The following TRAPPC12 variants were observed in gnomAD, a reference collection of about 807,000 sequenced individuals.
The protein encoded by TRAPPC12 is trafficking protein particle complex subunit 12.
Under a neutral mutation model 69.2 loss-of-function variants are expected in TRAPPC12, and 61 were observed. The observed-to-expected ratio is 0.88, with a 90% CI of 0.72 to 1.09. TRAPPC12 has a LOEUF of 1.09. Among genes scored for constraint, TRAPPC12 ranks in the 50% least tolerant of loss-of-function variants. The pLI is 0.00. For missense variants in TRAPPC12, 1,101 were observed against 1,016.4 expected (o/e 1.08, Z -1.13); for synonymous variants, 469 against 438.9 (o/e 1.07, Z -0.86).
intron 9 of TRAPPC12, among the ~76,000 whole-genome samples, chr2:3,474,396 GT>G (rs1666200833): frequency 6.6e-6 from 1 of 152,134 alleles, no homozygotes; most frequent in Non-Finnish European, 1.5e-5. Context: ...TTAAGGGCGG[GT>G]CGGCCTCCCC....
chr2:3,448,262 A>G (rs1664625078), intron 6 of TRAPPC12, among the ~76,000 whole-genome samples: 1 of 152,092 alleles, frequency 6.6e-6, no homozygotes, highest in African/African-American at 2.4e-5. Flanking sequence ...CAGAAGCCTC[A>G]CCCTTGAGCA....
Position 3,421,938 on chromosome 2 carries a change from G to C in TRAPPC12, c.1222G>C (p.Gly408Arg). ...DLCGRLLTAH[G>R]QGYGKSGLLT... The stretch of plus-strand genomic sequence containing the variant: ...GTGCGGACGTCTCCTCACAGCCCAC[G>C]GCCAGGGCTACGGCAAGAGCGGGCT... The change falls in exon 4 of 12, where the codon GGC becomes CGC. Residue 408 changes from glycine to arginine, a missense_variant. Transcript: ENST00000324266. 6.2e-7 allele frequency: 1 copy of C among 1,613,806 alleles called. No homozygotes were observed. The highest frequency in any genetic ancestry group is 8.5e-7 in the Non-Finnish European group (1 of 1,179,988).
chr2:3,422,043 T>G (rs752184006), intron 4 of TRAPPC12, 49 bp downstream of exon 4: 1 of 1,442,034 alleles, frequency 6.9e-7, no homozygotes, highest in Non-Finnish European at 9.6e-7. Context: ...TATCACAGTC[T>G]GGGGACATGG....
At chr2:3,472,676 C>A (rs1298461277) in intron 9 of TRAPPC12, 1 of 152,236 alleles carries the variant, frequency 6.6e-6, no homozygotes, top group Non-Finnish European at 1.5e-5. Flanking sequence ...AAAAAGACAA[C>A]CTATGGCATG....
chr2:3,433,375 T>G (rs1663557457), intron 5 of TRAPPC12, among the ~76,000 whole-genome samples: 1 of 152,146 alleles, frequency 6.6e-6, no homozygotes, highest in South Asian at 2.1e-4. Context: ...GGGCAAAGGG[T>G]CTGGAAGGCT....
chr2:3,476,515 T>G (rs948121553), intron 9 of TRAPPC12, among the ~76,000 whole-genome samples: 1 of 152,180 alleles, frequency 6.6e-6, no homozygotes, highest in Admixed American at 6.5e-5. Flanking sequence ...CTGCCTGCCC[T>G]TTGCCCCAGA....
chr2:3,453,289 A>G (rs1306138367), intron 6 of TRAPPC12, among the ~76,000 whole-genome samples: 1 of 152,196 alleles, frequency 6.6e-6, no homozygotes, highest in Admixed American at 6.5e-5. Flanking sequence ...GCGCCTGACC[A>G]GACAGCTCCA....
chr2:3,443,587 A>G (rs1664339106), intron 5 of TRAPPC12, 192 bp from the exon 6 acceptor site: 1 of 613,838 alleles, frequency 1.6e-6, no homozygotes, highest in Non-Finnish European at 3.0e-6. Context: ...TTGTCGAGAC[A>G]TACATACATA....
At chr2:3,397,974 A>G (rs1661223202) in intron 2 of TRAPPC12, among the ~76,000 whole-genome samples, 1 of 152,230 alleles carries the variant, frequency 6.6e-6, no homozygotes, top group South Asian at 2.1e-4. Context: ...GTTGGGTCAC[A>G]GTCCTTTGCT....
At chr2:3,386,475 C>T (rs1192439715) in intron 1 of TRAPPC12, among the ~76,000 whole-genome samples, 1 of 152,150 alleles carries the variant, frequency 6.6e-6, no homozygotes, top group African/African-American at 2.4e-5. Context: ...TCCTCATCTG[C>T]GAAACGAAGA....
chr2:3,463,965 A>T (rs1665654394), intron 8 of TRAPPC12, among the ~76,000 whole-genome samples: 1 of 152,056 alleles, frequency 6.6e-6, no homozygotes, highest in East Asian at 1.9e-4. Context: ...CCTCTGTTGG[A>T]AAGCAGGGCT....
chr2:3,446,723 A>C lies in TRAPPC12; in HGVS notation c.1530+2832A>C, dbSNP rs191256441. On this transcript the variant is annotated intron_variant, in intron 6 of 11. Coordinates refer to ENST00000324266, the MANE Select transcript of TRAPPC12 (RefSeq NM_016030.6). ...ACGCTGTCCAGAACAGCTCTATCTGAGCTTGTTCATTTGTTCATGCAGCAA... is the reference window on the plus strand; with the variant it reads ...ACGCTGTCCAGAACAGCTCTATCTGCGCTTGTTCATTTGTTCATGCAGCAA... Among the ~76,000 whole-genome samples, 267 of 152,330 alleles carry C rather than the reference A, an allele frequency of 1.8e-3. 2 individuals carry two copies. The highest frequency in any genetic ancestry group is 6.0e-3 in the African/African-American group (249 of 41,570).
At chr2:3,423,442 C>A (rs2103058186) in intron 4 of TRAPPC12, among the ~76,000 whole-genome samples, 1 of 151,918 alleles carries the variant, frequency 6.6e-6, no homozygotes, top group East Asian at 1.9e-4. Context: ...TGAGCTTATT[C>A]CTTGCGTCAC....
In TRAPPC12 at chr2:3,388,056, G is replaced by C. The variant is rs145175293; in HGVS notation, c.433G>C (p.Ala145Pro). Residue 145 changes from alanine (A) to proline (P), a missense_variant, in exon 2 of 12, where the codon GCG becomes CCG. By Grantham distance (27) the Ala-to-Pro change is conservative. Transcript: ENST00000324266. ...AAREVPGSEA[A>P]RPEQEPPVAE... ...CCGCGAGGTCCCAGGCAGCGAAGCC[G>C]CGCGCCCGGAGCAGGAGCCTCCCGT... is the stretch of plus-strand genomic sequence containing the variant. The C allele has an allele frequency of 3.7e-5, 56 of 1,509,938 alleles. No individual in the cohort carries two copies. The Middle Eastern group carries it at 9.6e-4, about 26-fold the overall frequency. 93.5% of individuals were successfully genotyped at this position (1,509,938 alleles called of 1,614,324 possible). A position where few individuals can be genotyped will look rare whatever the true frequency, so the allele number is the denominator to read the frequency against.
At chr2:3,463,204 G>A (rs1375557554) in intron 8 of TRAPPC12, 4 of 294,428 alleles carry the variant, frequency 1.4e-5, no homozygotes, top group Non-Finnish European at 2.7e-5. Flanking sequence ...AAGTCATTAA[G>A]TAACCGTCAA....
intron 5 of TRAPPC12, among the ~76,000 whole-genome samples, chr2:3,441,391 ATATTCCTTTAC>A (rs1160273799): frequency 1.3e-5 from 2 of 152,192 alleles, no homozygotes; most frequent in South Asian, 2.1e-4. Flanking sequence ...GCTGTTCATA[ATATTCCTTTAC>A]TATTCTTTTA....
chr2:3,455,209 A>T (rs2103127886), intron 6 of TRAPPC12: 1 of 152,332 alleles, frequency 6.6e-6, no homozygotes, highest in Non-Finnish European at 1.5e-5. Flanking sequence ...GCCTAAGGGA[A>T]GTCAGTTTCC....
chr2:3,381,729 A>G (rs1375990472), intron 1 of TRAPPC12, among the ~76,000 whole-genome samples: 1 of 152,186 alleles, frequency 6.6e-6, no homozygotes, highest in African/African-American at 2.4e-5. Flanking sequence ...TTACCAGCAT[A>G]AGATGGGGAC....
At chr2:3,439,505 C>T (rs113850082) in intron 5 of TRAPPC12, among the ~76,000 whole-genome samples, 2 of 151,768 alleles carry the variant, frequency 1.3e-5, no homozygotes, top group East Asian at 2.0e-4. Flanking sequence ...TCAGCCTCCC[C>T]GCGTGCTGGG....
Sources: gnomAD v4.1 joint callset for allele counts (sites outside exome capture counted in the v4.1 genomes callset) on GRCh38, gnomAD v4.1.1 for gene constraint, MANE v1.5 for transcripts, NCBI Gene and HGNC (gene_info 2026-07-23, HGNC 2026-07-21) for gene names.